Variants in LIMS1 observed in about 807,000 individuals in gnomAD.
The protein encoded by LIMS1 is LIM and senescent cell antigen-like-containing domain protein 1.
LIMS1 carries 18 observed loss-of-function variants against 44.1 expected under a neutral mutation model. The observed-to-expected ratio is 0.41, with a 90% CI of 0.28 to 0.61. The LOEUF is 0.61. Among genes scored for constraint, LIMS1 ranks in the 20% least tolerant of loss-of-function variants. LIMS1 has a pLI of 0.32. For missense variants in LIMS1, 201 were observed against 422.0 expected (o/e 0.48, Z 4.59); for synonymous variants, 93 against 149.1 (o/e 0.62, Z 2.74).
At chr2:108,583,582 C>T (rs543659741) in intron 1 of LIMS1, among the ~76,000 whole-genome samples, 3 of 151,800 alleles carry the variant, frequency 2.0e-5, no homozygotes, top group South Asian at 2.1e-4. Flanking sequence ...TTTAAAGTCC[C>T]GGGAGGAAAA....
At chr2:108,640,675 G>A (rs1413915974) in intron 1 of LIMS1, among the ~76,000 whole-genome samples, 2 of 152,186 alleles carry the variant, frequency 1.3e-5, no homozygotes, top group African/African-American at 2.4e-5. Context: ...CATAATAATT[G>A]TACATATTTA....
At chr2:108,629,990 C>T (rs1252062898) in intron 1 of LIMS1, among the ~76,000 whole-genome samples, 1 of 152,106 alleles carries the variant, frequency 6.6e-6, no homozygotes, top group African/African-American at 2.4e-5. Flanking sequence ...TCCAGGAGTT[C>T]AAGACCAGAC....
rs1691690139 is a variant in LIMS1 at position 108,665,532 on chromosome 2, A to T, written c.193-5249A>T. On this transcript the variant is annotated intron_variant, in intron 2 of 9. Transcript: ENST00000544547. The stretch of plus-strand genomic sequence containing the variant: ...TTTAATTTATTTTTATTTTTTATTT[A>T]TTTATTTTTTTTGAGACAGAGTTTC... Among the ~76,000 whole-genome samples the T allele has an allele frequency of 2.6e-5, 4 of 151,756 alleles. No homozygotes were observed. In the South Asian group the frequency reaches 8.3e-4, roughly 32 times the overall value.
At chr2:108,571,577 C>T (rs1378504713) in intron 1 of LIMS1, among the ~76,000 whole-genome samples, 1 of 152,062 alleles carries the variant, frequency 6.6e-6, no homozygotes, top group Admixed American at 6.6e-5. Context: ...AATAAATAGC[C>T]TTAAAAAATG....
At chr2:108,614,203 G>T (rs1480457612) in intron 1 of LIMS1, among the ~76,000 whole-genome samples, 1 of 152,142 alleles carries the variant, frequency 6.6e-6, no homozygotes. Flanking sequence ...GGTTTGGAAG[G>T]CCCATGCCTC....
intron 1 of LIMS1, among the ~76,000 whole-genome samples, chr2:108,545,977 C>T (rs1684468273): frequency 6.6e-6 from 1 of 152,156 alleles, no homozygotes; most frequent in Non-Finnish European, 1.5e-5. Flanking sequence ...AGAAGCCCTC[C>T]TTAACTATTT....
chr2:108,636,223 G>A (rs1689240685), intron 1 of LIMS1, among the ~76,000 whole-genome samples: 1 of 152,210 alleles, frequency 6.6e-6, no homozygotes, highest in Non-Finnish European at 1.5e-5. Context: ...CGCTGGCACA[G>A]ATTGCTGGAA....
At chr2:108,625,904 C>G (rs972054913) in intron 1 of LIMS1, among the ~76,000 whole-genome samples, 3 of 152,208 alleles carry the variant, frequency 2.0e-5, no homozygotes, top group East Asian at 1.9e-4. Flanking sequence ...AGTGAAAACT[C>G]AGATCATGTG....
chr2:108,573,332 A>G (rs1207392062), intron 1 of LIMS1, among the ~76,000 whole-genome samples: 1 of 147,936 alleles, frequency 6.8e-6, no homozygotes, highest in African/African-American at 2.5e-5. Context: ...TACTGGGTAC[A>G]GTGATCTTTT....
intron 1 of LIMS1, among the ~76,000 whole-genome samples, chr2:108,601,348 C>T (rs959001341): frequency 2.3e-4 from 35 of 152,172 alleles, no homozygotes; most frequent in African/African-American, 8.4e-4. Context: ...TGTCCGTGCA[C>T]AGCGAGGGAA....
intron 1 of LIMS1, among the ~76,000 whole-genome samples, chr2:108,549,815 G>C (rs1383933681): frequency 1.3e-5 from 2 of 152,128 alleles, no homozygotes; most frequent in East Asian, 3.8e-4. Context: ...AAGACAAATG[G>C]ATAAAACCTG....
chr2:108,551,701 G>A (rs948043489), intron 1 of LIMS1, among the ~76,000 whole-genome samples: 2 of 141,852 alleles, frequency 1.4e-5, no homozygotes, highest in Non-Finnish European at 3.0e-5. Context: ...ACATACACTA[G>A]TATATATGTA....
At chr2:108,597,236 T>A (rs1389277036) in intron 1 of LIMS1, among the ~76,000 whole-genome samples, 12 of 152,154 alleles carry the variant, frequency 7.9e-5, no homozygotes, top group South Asian at 6.2e-4. Context: ...CCTTTTTTTT[T>A]ATTCACAGAC....
intron 1 of LIMS1, among the ~76,000 whole-genome samples, chr2:108,539,332 T>C (rs747438403): frequency 1.6e-4 from 25 of 152,192 alleles, no homozygotes; most frequent in Non-Finnish European, 3.4e-4. Context: ...CGATCCGCCC[T>C]TCTCGGCCTC....
At chr2:108,585,491 A>T (rs1373304303) in intron 1 of LIMS1, among the ~76,000 whole-genome samples, 1 of 152,108 alleles carries the variant, frequency 6.6e-6, no homozygotes, top group Non-Finnish European at 1.5e-5. Context: ...CTGTATGGAG[A>T]CATCAGCAGA....
rs1202051322 is a variant in LIMS1 at position 108,621,184 on chromosome 2, T to C, written c.33-38421T>C. The stretch of plus-strand genomic sequence containing the variant: ...GTTGTGCCTTGCTGAGGAGGGTGTG[T>C]ACCAGTGAGAAACAGGAAGCTGTGC... On this transcript the variant is annotated intron_variant, in intron 1 of 9. Transcript: ENST00000544547. 3.2e-6 allele frequency: 4 copies of C among 1,258,472 alleles called. No individual in the cohort carries two copies. In the South Asian group the frequency reaches 4.5e-5, roughly 14 times the overall value. 78.0% of individuals were successfully genotyped at this position (1,258,472 alleles called of 1,614,324 possible).
At chr2:108,594,759 T>G (rs1253682036) in intron 1 of LIMS1, among the ~76,000 whole-genome samples, 1 of 152,174 alleles carries the variant, frequency 6.6e-6, no homozygotes, top group Non-Finnish European at 1.5e-5. Flanking sequence ...GCTATATACA[T>G]ATCATGTCAT....
intron 1 of LIMS1, among the ~76,000 whole-genome samples, chr2:108,618,758 G>T (rs1688068886): frequency 6.6e-6 from 1 of 151,076 alleles, no homozygotes; most frequent in African/African-American, 2.4e-5. Flanking sequence ...TCGGGAGGTG[G>T]AGGTTGCAGT....
intron 1 of LIMS1, among the ~76,000 whole-genome samples, chr2:108,638,505 A>G (rs1689433367): frequency 1.3e-5 from 2 of 152,146 alleles, no homozygotes; most frequent in South Asian, 4.1e-4. Context: ...GCACTTTGGG[A>G]GGCCAGGGCG....
Sources: allele counts gnomAD v4.1 joint callset (sites outside exome capture counted in the v4.1 genomes callset), GRCh38; gene constraint gnomAD v4.1.1; transcripts MANE v1.5; gene names NCBI Gene and HGNC (gene_info 2026-07-23, HGNC 2026-07-21).